The following GABRR1 variants were observed in gnomAD, a reference collection of about 807,000 sequenced individuals.
GABRR1 encodes the protein gamma-aminobutyric acid receptor subunit rho-1.
In GABRR1, 59 loss-of-function variants were observed where a neutral mutation model predicts 55.5. That is an observed-to-expected ratio of 1.06 (90% CI 0.86 to 1.32). The LOEUF (loss-of-function observed/expected upper bound fraction) is 1.32. Among genes scored for constraint, GABRR1 ranks in the 40% most tolerant of loss-of-function variants. The pLI is 0.00. For missense variants in GABRR1, 602 were observed against 619.1 expected, an observed-to-expected ratio of 0.97 and a Z score of 0.29; for synonymous variants, 213 against 226.0, an observed-to-expected ratio of 0.94 and a Z score of 0.51.
intron 8 of GABRR1, 26 bp downstream of exon 8, chr6:89,181,879 G>T (rs1192680226): frequency 1.3e-6 from 2 of 1,580,934 alleles, no homozygotes; most frequent in Non-Finnish European, 1.7e-6. Flanking sequence ...CAGATGCTTG[G>T]AATATGCACT....
chr6:89,185,465 G>C lies in GABRR1; in HGVS notation c.656-15C>G. ...TGTATAGGCATCTGAAAAGACAGGG[G>C]CCAGCATCAGACACAAGGTGGTGGC... On this transcript the variant is annotated splice_polypyrimidine_tract_variant and intron_variant, in intron 6 of 9. Transcript: ENST00000454853. 1 of 1,612,074 alleles carries C rather than the reference G, an allele frequency of 6.2e-7. No homozygotes were observed. The highest frequency in any genetic ancestry group is 8.5e-7 in the Non-Finnish European group (1 of 1,178,310).
intron 3 of GABRR1, 46 bp downstream of exon 3, chr6:89,201,113 A>G (rs772518126): frequency 1.4e-6 from 2 of 1,414,422 alleles, no homozygotes; most frequent in East Asian, 4.6e-5. Context: ...GCCCACAGAC[A>G]GAGGACCAGA....
intron 1 of GABRR1, among the ~76,000 whole-genome samples, chr6:89,216,774 A>G (rs146468609): frequency 1.2e-3 from 183 of 152,368 alleles, no homozygotes; most frequent in African/African-American, 4.2e-3. Flanking sequence ...ATATTAAAAA[A>G]TGATTCACAA....
In GABRR1 at chr6:89,185,551, T is replaced by C. The variant is rs1389463335; in HGVS notation, c.656-101A>G. On this transcript the variant is annotated intron_variant, in intron 6 of 9. Coordinates refer to ENST00000454853, the MANE Select transcript of GABRR1 (RefSeq NM_002042.5). ...TGTCCTGACCTCCCACACTGACTACTGGGATTGTGATATGATAGTTTGAAA... is the reference window on the plus strand; with the variant it reads ...TGTCCTGACCTCCCACACTGACTACCGGGATTGTGATATGATAGTTTGAAA... 4.0e-6 allele frequency: 4 copies of C among 989,854 alleles called. No homozygotes were observed. The African/African-American group carries it at 4.7e-5, about 12-fold the overall frequency. 61.3% of individuals were successfully genotyped at this position (989,854 alleles called of 1,614,324 possible).
At position 89,181,977 on chromosome 6, in the gene GABRR1, T is replaced by C. The variant is rs1313939825; in HGVS notation, c.877A>G (p.Thr293Ala). 1.2e-6 allele frequency: 2 copies of C among 1,613,818 alleles called. No homozygotes were observed. Among genetic ancestry groups the C allele is most frequent in the Non-Finnish European group, 1.7e-6 (2 of 1,179,946 alleles). ...FFLLQTYFPA[T>A]LMVMLSWVSF... Reference sequence around the variant, plus strand: ...ACCCAGGACAGCATGACCATCAGGGTAGCGGGGAAATAAGTTTGGAGCAAG... The same window carrying C: ...ACCCAGGACAGCATGACCATCAGGGCAGCGGGGAAATAAGTTTGGAGCAAG... The change falls in exon 8 of 10, where the codon ACC becomes GCC. Residue 293 changes from threonine to alanine, a missense_variant. Physicochemically the swap from Thr to Ala is moderately conservative, Grantham distance 58. Coordinates refer to ENST00000454853, the MANE Select transcript of GABRR1 (RefSeq NM_002042.5).
upstream of GABRR1, among the ~76,000 whole-genome samples, chr6:89,218,133 GAC>G (rs1442059170): frequency 1.3e-5 from 2 of 152,108 alleles, no homozygotes; most frequent in African/African-American, 4.8e-5. Flanking sequence ...TTCATCAAAA[GAC>G]AGTCTCAGAG....
At chr6:89,229,906 G>A in intron 1 of GABRR1, among the ~76,000 whole-genome samples, 1 of 128,240 alleles carries the variant, frequency 7.8e-6, no homozygotes, top group African/African-American at 3.0e-5. Context: ...ACACCAATCA[G>A]ACGTAGATTT....
chr6:89,199,565 G>A (rs1181096402), intron 3 of GABRR1, 136 bp from the exon 4 acceptor site: 1 of 699,900 alleles, frequency 1.4e-6, no homozygotes, highest in Admixed American at 2.4e-5. Context: ...GCAACCTGAA[G>A]TCAAACCAGA....
At chr6:89,212,744 C>G (rs1342303246) in intron 1 of GABRR1, among the ~76,000 whole-genome samples, 2 of 152,100 alleles carry the variant, frequency 1.3e-5, no homozygotes, top group Non-Finnish European at 2.9e-5. Context: ...TCACGGCTCA[C>G]TGCAGCCTTG....
chr6:89,216,451 G>A (rs922179337), intron 1 of GABRR1, among the ~76,000 whole-genome samples: 2 of 152,208 alleles, frequency 1.3e-5, no homozygotes, highest in Non-Finnish European at 2.9e-5. Flanking sequence ...GGATTAGGTT[G>A]TCTCCAAGTC....
intron 1 of GABRR1, chr6:89,205,399 G>A (rs1772611070): frequency 6.6e-6 from 1 of 152,280 alleles, no homozygotes; most frequent in African/African-American, 2.4e-5. Flanking sequence ...TTTACTGAAT[G>A]AGCCCCAGGA....
intron 1 of GABRR1, chr6:89,212,175 G>T: frequency 1.6e-6 from 1 of 639,114 alleles, no homozygotes; most frequent in Non-Finnish European, 1.9e-6. Context: ...ACAATCCAAA[G>T]ACCTGCCGAA....
At chr6:89,206,895 T>G (rs1772666530) in intron 1 of GABRR1, among the ~76,000 whole-genome samples, 1 of 152,148 alleles carries the variant, frequency 6.6e-6, no homozygotes, top group African/African-American at 2.4e-5. Flanking sequence ...TGGGATTATA[T>G]TTGTGAGCCA....
intron 9 of GABRR1, 21 bp downstream of exon 9, chr6:89,180,271 A>G (rs751956561): frequency 3.1e-6 from 5 of 1,610,778 alleles, no homozygotes; most frequent in Admixed American, 1.7e-5. Flanking sequence ...ACCAGACACT[A>G]TAAGCGCATG....
chr6:89,223,097 T>C (rs960506535), intron 1 of GABRR1, among the ~76,000 whole-genome samples: 1 of 152,140 alleles, frequency 6.6e-6, no homozygotes, highest in Non-Finnish European at 1.5e-5. Flanking sequence ...GGTATTTGGT[T>C]ACATGAGTAA....
intron 2 of GABRR1, among the ~76,000 whole-genome samples, chr6:89,202,797 G>C (rs562742430): frequency 2.6e-5 from 4 of 152,034 alleles, no homozygotes; most frequent in African/African-American, 7.2e-5. Flanking sequence ...TCCAGGGCTC[G>C]AGTGATCCTG....
chr6:89,184,327 C>CTT (rs57465592), intron 7 of GABRR1, among the ~76,000 whole-genome samples: 11 of 147,454 alleles, frequency 7.5e-5, no homozygotes, highest in Non-Finnish European at 1.2e-4. Context: ...TGTGTCCCTA[C>CTT]TTTTTTTTTT....
intron 1 of GABRR1, among the ~76,000 whole-genome samples, chr6:89,215,029 G>A (rs574733256): frequency 6.6e-6 from 1 of 152,266 alleles, no homozygotes; most frequent in South Asian, 2.1e-4. Flanking sequence ...AAATTAAAAA[G>A]ATGAACAAGT....
At chr6:89,183,269 T>A (rs992466521) in intron 7 of GABRR1, among the ~76,000 whole-genome samples, 2 of 152,130 alleles carry the variant, frequency 1.3e-5, no homozygotes, top group South Asian at 2.1e-4. Flanking sequence ...TGGGTCATTA[T>A]AATGCATGGG....
Sources: allele counts gnomAD v4.1 joint callset (sites outside exome capture counted in the v4.1 genomes callset), GRCh38; gene constraint gnomAD v4.1.1; transcripts MANE v1.5; gene names NCBI Gene and HGNC (gene_info 2026-07-23, HGNC 2026-07-21).